Variants in SPRED1 observed in about 807,000 individuals in gnomAD.
SPRED1 encodes sprouty-related, EVH1 domain-containing protein 1.
Under a neutral mutation model 52.3 loss-of-function variants are expected in SPRED1, and 18 were observed. The ratio of observed to expected loss-of-function variants is 0.34; its 90% CI spans 0.24 to 0.51. The LOEUF (loss-of-function observed/expected upper bound fraction) is 0.51, where lower values mean the gene tolerates loss of function less well. SPRED1 is among the 20% of genes least tolerant of loss of function. The probability of loss-of-function intolerance (pLI) is 0.97; values close to 1 mark genes in which losing one functional copy is unlikely to be tolerated. For missense variants in SPRED1, 485 were observed against 551.0 expected, an observed-to-expected ratio of 0.88 and a Z score of 1.20; for synonymous variants, 155 against 179.7, an observed-to-expected ratio of 0.86 and a Z score of 1.10.
intron 1 of SPRED1, among the ~76,000 whole-genome samples, chr15:38,272,018 C>T (rs1894445773): frequency 6.6e-6 from 1 of 152,082 alleles, no homozygotes. Context: ...TTTTCTGTTC[C>T]TGCCTGAATT....
At chr15:38,277,919 T>A (rs1595720913) in intron 1 of SPRED1, among the ~76,000 whole-genome samples, 1 of 145,678 alleles carries the variant, frequency 6.9e-6, no homozygotes, top group East Asian at 2.0e-4. Flanking sequence ...TTTTTTTTTT[T>A]AAGTGTCTTC....
intron 2 of SPRED1, among the ~76,000 whole-genome samples, chr15:38,303,754 T>G (rs920978189): frequency 2.0e-5 from 3 of 152,094 alleles, no homozygotes; most frequent in African/African-American, 7.2e-5. Context: ...GGCTAAGGTA[T>G]GACAAAAGAA....
intron 4 of SPRED1, among the ~76,000 whole-genome samples, chr15:38,332,385 G>A (rs1254829858): frequency 3.3e-5 from 5 of 152,076 alleles, no homozygotes; most frequent in Non-Finnish European, 7.4e-5. Context: ...ACCAGCCTGA[G>A]CAACATAGTA....
intron 4 of SPRED1, among the ~76,000 whole-genome samples, chr15:38,331,666 A>G (rs1895810250): frequency 6.6e-6 from 1 of 152,124 alleles, no homozygotes; most frequent in Admixed American, 6.6e-5. Context: ...ATTATATTAT[A>G]TCATACGCAT....
intron 1 of SPRED1, among the ~76,000 whole-genome samples, chr15:38,278,952 T>C (rs937650685): frequency 6.6e-6 from 1 of 151,258 alleles, no homozygotes; most frequent in Non-Finnish European, 1.5e-5. Flanking sequence ...CTCAGCCTCC[T>C]GAGTAGCTGG....
rs572366487 is a variant in SPRED1 at position 38,335,772 on chromosome 15, C to CA, written c.424-3961dup. Among the ~76,000 whole-genome samples, 51 of 151,754 alleles carry CA rather than the reference C, an allele frequency of 3.4e-4. 1 individual carries two copies. In the South Asian group the frequency reaches 0.011, roughly 32 times the overall value. ...GACCCTGTCTCTTGAAAAAGAAAGGCAAAACAGGAATAGAATTGATGCTAA... is the reference window on the plus strand; with the variant it reads ...GACCCTGTCTCTTGAAAAAGAAAGGCAAAAACAGGAATAGAATTGATGCTAA... On this transcript the variant is annotated intron_variant, in intron 4 of 6. Coordinates refer to ENST00000299084, the MANE Select transcript of SPRED1 (RefSeq NM_152594.3).
intron 1 of SPRED1, among the ~76,000 whole-genome samples, chr15:38,299,128 G>A (rs1407761648): frequency 6.6e-6 from 1 of 152,192 alleles, no homozygotes; most frequent in Non-Finnish European, 1.5e-5. Flanking sequence ...ATGATGAATT[G>A]AGGTAGTAGT....
At chr15:38,349,888 A>G (rs979870898) in intron 6 of SPRED1, among the ~76,000 whole-genome samples, 27 of 152,214 alleles carry the variant, frequency 1.8e-4, no homozygotes, top group African/African-American at 6.3e-4. Flanking sequence ...CTTGTAGTAG[A>G]CTAGTCACTG....
At chr15:38,290,980 C>T (rs1894913118) in intron 1 of SPRED1, among the ~76,000 whole-genome samples, 1 of 152,144 alleles carries the variant, frequency 6.6e-6, no homozygotes, top group African/African-American at 2.4e-5. Context: ...TTACCATTAA[C>T]CCAAAAGTCC....
rs149336440 is a variant in SPRED1, at chr15:38,354,406, G to T, written c.*2742G>T. The T allele has an allele frequency of 2.4e-3, 368 of 152,304 alleles. 1 individual carries two copies. Among genetic ancestry groups the T allele is most frequent in the African/African-American group, 8.2e-3 (342 of 41,552 alleles). 9.4% of individuals were successfully genotyped at this position (152,304 alleles called of 1,614,324 possible). A position where few individuals can be genotyped will look rare whatever the true frequency, so the allele number is the denominator to read the frequency against. On this transcript the variant is annotated 3_prime_UTR_variant, in exon 7 of 7. Coordinates refer to ENST00000299084, the MANE Select transcript of SPRED1 (RefSeq NM_152594.3). The stretch of plus-strand genomic sequence containing the variant: ...TCTAGACGGCATGACAAGCAAGACT[G>T]GTCTGATGAACTTGTTCAGAATTGA...
At chr15:38,266,405 C>T (rs1199786476) in intron 1 of SPRED1, among the ~76,000 whole-genome samples, 1 of 152,004 alleles carries the variant, frequency 6.6e-6, no homozygotes, top group South Asian at 2.1e-4. Flanking sequence ...TTTAGGAGGC[C>T]GAGGTGGGCA....
At chr15:38,283,296 C>A (rs141955988) in intron 1 of SPRED1, among the ~76,000 whole-genome samples, 66 of 152,236 alleles carry the variant, frequency 4.3e-4, no homozygotes, top group African/African-American at 1.6e-3. Flanking sequence ...TGGGGGAAAC[C>A]ACCCCCATCA....
At chr15:38,254,466 C>T (rs1168740091) in intron 1 of SPRED1, among the ~76,000 whole-genome samples, 2 of 152,096 alleles carry the variant, frequency 1.3e-5, no homozygotes, top group African/African-American at 2.4e-5. Flanking sequence ...TGTTCTGTCT[C>T]TTTTTGTGAA....
At chr15:38,340,044 A>G in intron 5 of SPRED1, 149 bp downstream of exon 5, 1 of 1,040,488 alleles carries the variant, frequency 9.6e-7, no homozygotes. Flanking sequence ...GGAGAATTTG[A>G]TTTATAATGA....
At chr15:38,290,773 G>C (rs752933031) in intron 1 of SPRED1, among the ~76,000 whole-genome samples, 90 of 152,232 alleles carry the variant, frequency 5.9e-4, no homozygotes, top group Non-Finnish European at 1.1e-3. Context: ...AGAAAGACCA[G>C]CCCTAATGAT....
In SPRED1 at chr15:38,300,123, A is replaced by G. The variant is rs540143021; in HGVS notation, c.207+576A>G. On this transcript the variant is annotated intron_variant, in intron 2 of 6. Coordinates refer to ENST00000299084, the MANE Select transcript of SPRED1 (RefSeq NM_152594.3). ...GGTGGCCAGCCTAATTTTTAACACT[A>G]TTGTCTTCCATGCAGATGTGTGGTT... is the stretch of plus-strand genomic sequence containing the variant. Among the ~76,000 whole-genome samples, 11 of 152,144 alleles carry G rather than the reference A, an allele frequency of 7.2e-5. No individual in the cohort carries two copies. In the South Asian group the frequency reaches 2.1e-3, roughly 29 times the overall value.
In SPRED1 at chr15:38,340,564, G is replaced by A. The variant is rs543085848; in HGVS notation, c.582+669G>A. 4.4e-4 allele frequency among the ~76,000 whole-genome samples: 67 copies of A among 151,062 alleles called. No homozygotes were observed. The East Asian group carries it at 0.011, about 25-fold the overall frequency. ...TTCTTTTTTTTTGAGACAGAGTCTC[G>A]CTCTGTCGCCCAGGCTGGAGTGCAG... On this transcript the variant is annotated intron_variant, in intron 5 of 6. Transcript: ENST00000299084.
intron 1 of SPRED1, chr15:38,268,372 G>A (rs1437785728): frequency 6.6e-6 from 1 of 152,204 alleles, no homozygotes; most frequent in Non-Finnish European, 1.5e-5. Context: ...CAGTAGTTTA[G>A]AACAGGGAAT....
chr15:38,316,216 T>C (rs1169262637), intron 2 of SPRED1, among the ~76,000 whole-genome samples: 1 of 152,010 alleles, frequency 6.6e-6, no homozygotes, highest in South Asian at 2.1e-4. Context: ...GTTTTCCCTC[T>C]CCCTTCATCT....
Sources: gnomAD v4.1 joint callset for allele counts (sites outside exome capture counted in the v4.1 genomes callset) on GRCh38, gnomAD v4.1.1 for gene constraint, MANE v1.5 for transcripts, NCBI Gene and HGNC (gene_info 2026-07-23, HGNC 2026-07-21) for gene names.